Variants in KCNMA1 observed in about 807,000 individuals in gnomAD.
The protein encoded by KCNMA1 is potassium calcium-activated channel subfamily M alpha 1.
A neutral mutation model predicts 140.0 loss-of-function variants in KCNMA1; 29 were observed. The ratio of observed to expected loss-of-function variants is 0.21; its 90% confidence interval spans 0.15 to 0.28. The LOEUF is 0.28. Ranked by LOEUF, KCNMA1 falls within the 10% of genes least tolerant of loss-of-function variation. The probability of loss-of-function intolerance (pLI) is 1.00; values close to 1 mark genes in which losing one functional copy is unlikely to be tolerated. For missense variants in KCNMA1, 880 were observed against 1,602.2 expected, an observed-to-expected ratio of 0.55 and a Z score of 7.70; for synonymous variants, 612 against 611.9, an observed-to-expected ratio of 1.00 and a Z score of 0.00.
chr10:77,066,360 G>A (rs935147659), intron 14 of KCNMA1, among the ~76,000 whole-genome samples: 1 of 152,184 alleles, frequency 6.6e-6, no homozygotes, highest in South Asian at 2.1e-4. Context: ...GGTGTTTGAG[G>A]GCAAATAAAT....
Position 76,920,016 on chromosome 10 carries a change from GTGTGTATATA to G in KCNMA1, c.2903-4977_2903-4968del, listed in dbSNP as rs1346826602. On this transcript the variant is annotated intron_variant, in intron 23 of 27. Transcript: ENST00000286628. ...TGTGTGTGTGTGTGTGTGTGTGTGT[GTGTGTATATA>G]TATATATATATATATATATATATAT... is the stretch of plus-strand genomic sequence containing the variant. 6.4e-3 allele frequency among the ~76,000 whole-genome samples: 284 copies of G among 44,260 alleles called. 2 individuals carry two copies. The highest frequency in any genetic ancestry group is 0.031 in the African/African-American group (265 of 8,598). The allele number at this position is 44,260 out of a possible 152,430, so 29.0% of individuals were successfully genotyped here. A position where few individuals can be genotyped will look rare whatever the true frequency, so the allele number is the denominator to read the frequency against.
intron 3 of KCNMA1, among the ~76,000 whole-genome samples, chr10:77,207,446 G>A (rs575923279): frequency 3.7e-4 from 57 of 152,268 alleles, no homozygotes; most frequent in Non-Finnish European, 7.2e-4. Flanking sequence ...AAAGAAAATC[G>A]TAGTAGTGCT....
chr10:77,445,337 C>G (rs1226725257), intron 1 of KCNMA1, among the ~76,000 whole-genome samples: 1 of 150,276 alleles, frequency 6.7e-6, no homozygotes, highest in African/African-American at 2.5e-5. Context: ...CATATTCTCT[C>G]TCTCTCTCTC....
In KCNMA1 at chr10:77,251,254, A is replaced by G. The variant is rs2059605312; in HGVS notation, c.543T>C (p.Val181=). Residue 181 remains valine (V), a splice_region_variant and synonymous_variant, in exon 3 of 28, where the codon GTT becomes GTC. Transcript: ENST00000286628. ...SAQTLTGRVL[V]VLVFALSIGA... ...CGATGCTGAGAGCAAAGACTAAGAC[A>G]ACCTGTAAAAGAAGAGGAGAATGCC... is the stretch of plus-strand genomic sequence containing the variant. 1.2e-6 allele frequency: 2 copies of G among 1,611,804 alleles called. No homozygotes were observed. The highest frequency in any genetic ancestry group is 1.7e-6 in the Non-Finnish European group (2 of 1,178,042).
chr10:77,006,890 G>A (rs542813620), intron 18 of KCNMA1, among the ~76,000 whole-genome samples: 18 of 152,188 alleles, frequency 1.2e-4, no homozygotes, highest in Non-Finnish European at 2.1e-4. Context: ...GCAAGACTGT[G>A]CATTGAATTG....
intron 1 of KCNMA1, among the ~76,000 whole-genome samples, chr10:77,415,804 C>T (rs773267027): frequency 1.7e-4 from 26 of 152,152 alleles, no homozygotes; most frequent in Non-Finnish European, 2.4e-4. Context: ...TGATGTGGTA[C>T]GGAATGAAAA....
chr10:77,210,153 C>T (rs2045582988), intron 3 of KCNMA1, among the ~76,000 whole-genome samples: 1 of 152,052 alleles, frequency 6.6e-6, no homozygotes. Context: ...AACATAGATG[C>T]AAAAATCCTC....
Position 77,618,342 on chromosome 10 carries a change from C to T in KCNMA1, c.378+18923G>A, listed in dbSNP as rs117767832. 1.9e-3 allele frequency among the ~76,000 whole-genome samples: 282 copies of T among 152,244 alleles called. 1 individual carries two copies. Among genetic ancestry groups the T allele is most frequent in the East Asian group, 0.012 (63 of 5,184 alleles). On this transcript the variant is annotated intron_variant, in intron 1 of 27. Coordinates refer to ENST00000286628, the MANE Select transcript of KCNMA1 (RefSeq NM_001161352.2). ...CTGACTAATACACAGTTTATCAAAC[C>T]TCAAGATGGACTCACAGGTCCCTGT...
chr10:77,445,215 A>T (rs544564830), intron 1 of KCNMA1, among the ~76,000 whole-genome samples: 1 of 152,252 alleles, frequency 6.6e-6, no homozygotes, highest in African/African-American at 2.4e-5. Flanking sequence ...AAGCTCCAAG[A>T]CTATCTGGCA....
At chr10:77,525,409 T>C (rs970457615) in intron 1 of KCNMA1, among the ~76,000 whole-genome samples, 11 of 152,106 alleles carry the variant, frequency 7.2e-5, no homozygotes, top group Middle Eastern at 3.4e-3. Context: ...AAGTGCAGGG[T>C]TGGAGACTCA....
chr10:77,037,627 C>T (rs2094422218), intron 15 of KCNMA1, among the ~76,000 whole-genome samples: 1 of 152,124 alleles, frequency 6.6e-6, no homozygotes, highest in Admixed American at 6.5e-5. Flanking sequence ...TAGATACAAA[C>T]ACCAGTTAGG....
At chr10:77,248,507 G>A (rs943234730) in intron 3 of KCNMA1, among the ~76,000 whole-genome samples, 22 of 152,102 alleles carry the variant, frequency 1.4e-4, no homozygotes, top group African/African-American at 5.3e-4. Context: ...AATTCATCTG[G>A]AGAATTCTGG....
At chr10:77,014,254 T>C (rs1322276111) in intron 17 of KCNMA1, among the ~76,000 whole-genome samples, 4 of 152,034 alleles carry the variant, frequency 2.6e-5, no homozygotes, top group Middle Eastern at 3.2e-3. Context: ...GGTGAAACCC[T>C]GTCTCTACTA....
intron 3 of KCNMA1, chr10:77,217,632 G>A: frequency 2.6e-5 from 11 of 421,834 alleles, no homozygotes; most frequent in Admixed American, 1.3e-4. Flanking sequence ...AACAAAAGGA[G>A]AAAAAAAGTG....
chr10:76,935,887 A>G (rs1332250914), intron 23 of KCNMA1, among the ~76,000 whole-genome samples: 1 of 151,878 alleles, frequency 6.6e-6, no homozygotes, highest in Non-Finnish European at 1.5e-5. Flanking sequence ...CTGCACATCC[A>G]CTCTCCAAGA....
chr10:77,110,389 A>G lies in KCNMA1; in HGVS notation c.961-46T>C, dbSNP rs1203734221. The G allele has an allele frequency of 2.6e-6, 4 of 1,517,912 alleles. No homozygotes were observed. In the South Asian group the frequency reaches 4.5e-5, roughly 17 times the overall value. The allele number at this position is 1,517,912 out of a possible 1,614,324, so 94.0% of individuals were successfully genotyped here. A position where few individuals can be genotyped will look rare whatever the true frequency, so the allele number is the denominator to read the frequency against. On this transcript the variant is annotated intron_variant, in intron 7 of 27. Coordinates refer to ENST00000286628, the MANE Select transcript of KCNMA1 (RefSeq NM_001161352.2). ...GAGAAAAAAGAAAAACATGCTATTG[A>G]AGTGTATACATGCAATAAACGCGGA...
intron 11 of KCNMA1, among the ~76,000 whole-genome samples, chr10:77,085,329 A>T (rs2096666876): frequency 6.6e-6 from 1 of 152,218 alleles, no homozygotes; most frequent in Non-Finnish European, 1.5e-5. Context: ...GTTACAGTTG[A>T]ACTCAAAATA....
chr10:77,412,002 G>A (rs1456273584), intron 1 of KCNMA1, among the ~76,000 whole-genome samples: 1 of 152,208 alleles, frequency 6.6e-6, no homozygotes, highest in African/African-American at 2.4e-5. Flanking sequence ...CCAGCACTAA[G>A]AGGCTGAGCT....
chr10:77,577,520 A>G (rs1300392277), intron 1 of KCNMA1, among the ~76,000 whole-genome samples: 2 of 152,198 alleles, frequency 1.3e-5, no homozygotes, highest in Non-Finnish European at 2.9e-5. Flanking sequence ...ATATGGTAAT[A>G]AATAACATCA....
Sources: allele counts gnomAD v4.1 joint callset (sites outside exome capture counted in the v4.1 genomes callset), GRCh38; gene constraint gnomAD v4.1.1; transcripts MANE v1.5; gene names NCBI Gene and HGNC (gene_info 2026-07-23, HGNC 2026-07-21).